Variants in PTPN7 observed in about 807,000 individuals in gnomAD.
The protein encoded by PTPN7 is tyrosine-protein phosphatase non-receptor type 7.
In PTPN7, 33 loss-of-function variants were observed where a neutral mutation model predicts 50.3. That is an observed-to-expected ratio of 0.66 (90% CI 0.50 to 0.88). The LOEUF (loss-of-function observed/expected upper bound fraction) is 0.88. Ranked by LOEUF, PTPN7 falls within the 40% of genes least tolerant of loss-of-function variation. The pLI is 0.00. For missense variants in PTPN7, 412 were observed against 475.4 expected, an observed-to-expected ratio of 0.87 and a Z score of 1.24; for synonymous variants, 185 against 186.6, an observed-to-expected ratio of 0.99 and a Z score of 0.07.
At chr1:202,149,115 A>G (rs967692531) in intron 9 of PTPN7, among the ~76,000 whole-genome samples, 1 of 152,064 alleles carries the variant, frequency 6.6e-6, no homozygotes, top group Non-Finnish European at 1.5e-5. Flanking sequence ...TTGGCCTCCC[A>G]AACTGCTTGG....
chr1:202,161,566 C>A, upstream of PTPN7: 1 of 1,283,092 alleles, frequency 7.8e-7, no homozygotes, highest in Non-Finnish European at 1.0e-6. Flanking sequence ...TTCATGCTCG[C>A]TGCACGCCTC....
chr1:202,151,822 T>C (rs933613189), intron 8 of PTPN7, among the ~76,000 whole-genome samples: 5 of 152,204 alleles, frequency 3.3e-5, no homozygotes, highest in African/African-American at 1.2e-4. Flanking sequence ...CAGCCTAATC[T>C]GCCTTCTTTC....
chr1:202,160,836 C>T (rs1156331108), upstream of PTPN7: 4 of 1,518,264 alleles, frequency 2.6e-6, no homozygotes, highest in Admixed American at 8.3e-5. This position sits in a 1 kb window ranked among gnomAD's most constrained non-coding sequence, Gnocchi z 4.8. Context: ...CAGACCCTCT[C>T]CCCTCTTCTG....
rs1211431506 is a variant in PTPN7 at position 202,159,764 on chromosome 1, C to T, written c.-52-310G>A. ...AGAGTACACAGGGCTCTGAGCAGGT[C>T]CAAGTGGGAGAAGGCAAGGGAGGAA... On this transcript the variant is annotated intron_variant, in intron 1 of 9. Coordinates refer to ENST00000691036, the MANE Select transcript of PTPN7 (RefSeq NM_002832.4). This position sits in a 1 kb window ranked among gnomAD's most constrained non-coding sequence, Gnocchi z 4.6. The T allele has an allele frequency of 7.9e-7, 1 of 1,259,854 alleles. No individual in the cohort carries two copies. Among genetic ancestry groups the T allele is most frequent in the African/African-American group, 1.5e-5 (1 of 65,994 alleles). 78.0% of individuals were successfully genotyped at this position (1,259,854 alleles called of 1,614,324 possible).
chr1:202,160,643 C>T (rs1484371241), upstream of PTPN7: 3 of 1,550,492 alleles, frequency 1.9e-6, no homozygotes, highest in Non-Finnish European at 2.6e-6. The surrounding 1 kb of genome is among the most constrained non-coding windows in gnomAD (Gnocchi z 4.8). Flanking sequence ...CCAGCTTCCT[C>T]CCTCCGCCCC....
At position 202,160,402 on chromosome 1, in the gene PTPN7, G is replaced by T. The variant is rs1248229831; in HGVS notation, c.-53+143C>A. ...CTCACCCCCGTCTTGGGGACATCAG[G>T]TCTGTGAGCACCCATACCCCAGCCA... On this transcript the variant is annotated intron_variant, in intron 1 of 9. Coordinates refer to ENST00000691036, the MANE Select transcript of PTPN7 (RefSeq NM_002832.4). The surrounding 1 kb of genome is among the most constrained non-coding windows in gnomAD (Gnocchi z 4.8). 4 of 841,864 alleles carry T rather than the reference G, an allele frequency of 4.8e-6. No homozygotes were observed. The Admixed American group carries it at 8.2e-5, about 17-fold the overall frequency. 52.1% of individuals were successfully genotyped at this position (841,864 alleles called of 1,614,324 possible). A position where few individuals can be genotyped will look rare whatever the true frequency, so the allele number is the denominator to read the frequency against.
upstream of PTPN7, chr1:202,161,112 A>C: frequency 7.8e-7 from 1 of 1,283,142 alleles, no homozygotes. Context: ...ATCTTCCCAG[A>C]GCAGATGTGG....
Position 202,152,661 on chromosome 1 carries a change from A to G in PTPN7, c.756T>C (p.Phe252=). ...EERRSVKHIL[F]SAWPDHQTPE... Reference sequence around the variant, plus strand: ...GTGTCTGATGGTCTGGCCAGGCCGAAAAGAGGATGTGCTTTACTGACCGGC... The same window carrying G: ...GTGTCTGATGGTCTGGCCAGGCCGAGAAGAGGATGTGCTTTACTGACCGGC... Residue 252 remains phenylalanine, a synonymous_variant, in exon 8 of 10, where the codon TTT becomes TTC. Coordinates refer to ENST00000691036, the MANE Select transcript of PTPN7 (RefSeq NM_002832.4). 1 of 1,614,048 alleles carries G rather than the reference A, an allele frequency of 6.2e-7. No homozygotes were observed. The highest frequency in any genetic ancestry group is 1.7e-5 in the Admixed American group (1 of 60,014).
rs1351156751 is a variant in PTPN7 at position 202,150,433 on chromosome 1, A to G, written c.876-9T>C. On this transcript the variant is annotated splice_polypyrimidine_tract_variant and intron_variant, in intron 8 of 9. Transcript: ENST00000691036. ...TCCGGCCAATCCCTGCACTGGAGAT[A>G]GCCAGGGAGGGGACAGGGAGGTCAT... 6.3e-7 allele frequency: 1 copy of G among 1,599,396 alleles called. No homozygotes were observed. Among genetic ancestry groups the G allele is most frequent in the South Asian group, 1.1e-5 (1 of 89,378 alleles).
chr1:202,151,240 A>G (rs1655975167), intron 8 of PTPN7, among the ~76,000 whole-genome samples: 1 of 152,068 alleles, frequency 6.6e-6, no homozygotes, highest in Non-Finnish European at 1.5e-5. Flanking sequence ...CCCATCTCTC[A>G]TCATTACCCC....
intron 6 of PTPN7, 139 bp from the exon 7 acceptor site, chr1:202,153,974 GC>G: frequency 1.0e-6 from 1 of 987,084 alleles, no homozygotes; most frequent in Non-Finnish European, 1.6e-6. Context: ...GCTCTTCTGA[GC>G]TTGATACCTG....
At chr1:202,161,234 G>A, upstream of PTPN7, 1 of 1,128,934 alleles carries the variant, frequency 8.9e-7, no homozygotes, top group Non-Finnish European at 1.1e-6. Context: ...CCACGGCCCA[G>A]CTCTCCACAG....
At chr1:202,158,380 G>A (rs1347764740) in intron 2 of PTPN7, 79 bp from the exon 3 acceptor site, 2 of 1,459,024 alleles carry the variant, frequency 1.4e-6, no homozygotes, top group Admixed American at 4.0e-5. Context: ...TTCTTTTAGA[G>A]ATAGGGTCTC....
intron 4 of PTPN7, among the ~76,000 whole-genome samples, chr1:202,156,200 A>G (rs994801597): frequency 6.6e-6 from 1 of 152,238 alleles, no homozygotes; most frequent in African/African-American, 2.4e-5. Context: ...GGACTAGAGA[A>G]GAAAGGGAAC....
intron 7 of PTPN7, among the ~76,000 whole-genome samples, chr1:202,153,411 G>A (rs148984699): frequency 1.5e-4 from 23 of 152,224 alleles, no homozygotes; most frequent in African/African-American, 4.6e-4. Context: ...GGCATGAGCC[G>A]CCACACCTGG....
rs1476094260 is a variant in PTPN7, at chr1:202,155,572, G to C, written c.429C>G (p.Ser143Arg). Residue 143 changes from serine to arginine, a missense_variant, in exon 5 of 10, where the codon AGC becomes AGG. Ser to Arg is a moderately radical substitution (Grantham distance 110). Coordinates refer to ENST00000691036, the MANE Select transcript of PTPN7 (RefSeq NM_002832.4). Reference protein sequence around the residue: ...QSRVCLGRAQSQEDGDYINAN... With the variant: ...QSRVCLGRAQRQEDGDYINAN... ...CATTGATGTAATCTCCGTCCTCCTGGCTCTGTGCCCGGCCTAGACAGACAC... is the reference window on the plus strand; with the variant it reads ...CATTGATGTAATCTCCGTCCTCCTGCCTCTGTGCCCGGCCTAGACAGACAC... The C allele has an allele frequency of 6.3e-7, 1 of 1,575,028 alleles. No homozygotes were observed. The highest frequency in any genetic ancestry group is 1.7e-5 in the Admixed American group (1 of 59,950).
At chr1:202,148,771 T>A in intron 9 of PTPN7, 72 bp from the exon 10 acceptor site, 1 of 1,274,496 alleles carries the variant, frequency 7.8e-7, no homozygotes. Context: ...CAGTCAAACA[T>A]CCCTGTGGTC....
rs560364300 is a variant in PTPN7 at position 202,147,488 on chromosome 1, C to A, written c.*1118G>T. On this transcript the variant is annotated 3_prime_UTR_variant, in exon 10 of 10. Coordinates refer to ENST00000691036, the MANE Select transcript of PTPN7 (RefSeq NM_002832.4). ...GGTGATGCGGCATCTTACCTTCATC[C>A]CCATCTCAGAATGGGCAGCCAGTCT... 8.9e-4 allele frequency: 136 copies of A among 152,176 alleles called. No homozygotes were observed. Among genetic ancestry groups the A allele is most frequent in the African/African-American group, 3.1e-3 (128 of 41,504 alleles). 9.4% of individuals were successfully genotyped at this position (152,176 alleles called of 1,614,324 possible).
chr1:202,155,297 G>A (rs549688477), intron 5 of PTPN7, among the ~76,000 whole-genome samples: 1 of 152,312 alleles, frequency 6.6e-6, no homozygotes, highest in Admixed American at 6.5e-5. Context: ...GATAGTGGAG[G>A]TTAGGGAGAC....
Sources: allele counts gnomAD v4.1 joint callset (sites outside exome capture counted in the v4.1 genomes callset), GRCh38; gene constraint gnomAD v4.1.1; non-coding constraint Gnocchi (gnomAD v3.1); transcripts MANE v1.5; gene names NCBI Gene and HGNC (gene_info 2026-07-23, HGNC 2026-07-21).